Variants in CES4A observed in about 807,000 individuals in gnomAD.
The protein encoded by CES4A is carboxylesterase 6.
A neutral mutation model predicts 65.4 loss-of-function variants in CES4A; 48 were observed. The observed-to-expected ratio is 0.73, with a 90% CI of 0.58 to 0.93. The LOEUF (loss-of-function observed/expected upper bound fraction) is 0.93, where lower values mean the gene tolerates loss of function less well. CES4A is among the 40% of genes least tolerant of loss of function. The probability of loss-of-function intolerance (pLI) is 0.00; values close to 1 mark genes in which losing one functional copy is unlikely to be tolerated. For missense variants in CES4A, 685 were observed against 728.5 expected, an observed-to-expected ratio of 0.94 and a Z score of 0.69; for synonymous variants, 247 against 281.8, an observed-to-expected ratio of 0.88 and a Z score of 1.24.
Position 67,000,511 on chromosome 16 carries a change from G to C in CES4A, c.261-127G>C. The C allele has an allele frequency of 6.9e-7, 1 of 1,444,322 alleles. No homozygotes were observed. The highest frequency in any genetic ancestry group is 9.1e-7 in the Non-Finnish European group (1 of 1,097,862). The allele number at this position is 1,444,322 out of a possible 1,614,324, so 89.5% of individuals were successfully genotyped here. Reference sequence around the variant, plus strand: ...AGGCCTCCTGTACACGCACACGCACGCACATGCGCACGCACACGCACGCGC... The same window carrying C: ...AGGCCTCCTGTACACGCACACGCACCCACATGCGCACGCACACGCACGCGC... On this transcript the variant is annotated intron_variant, in intron 2 of 13. Coordinates refer to ENST00000648724, the Ensembl canonical transcript of CES4A. This position sits in a 1 kb window ranked among gnomAD's most constrained non-coding sequence, Gnocchi z 4.2.
At position 67,001,285 on chromosome 16, in the gene CES4A, G is replaced by A; in HGVS notation, c.537-23G>A. 6.3e-7 allele frequency: 1 copy of A among 1,575,692 alleles called. No homozygotes were observed. The highest frequency in any genetic ancestry group is 8.6e-7 in the Non-Finnish European group (1 of 1,162,198). ...CCCGACTGTCGAGGCCCGGGACCCT[G>A]ACAGTGAACCCCACACGCCCAGCAC... On this transcript the variant is annotated intron_variant, in intron 4 of 13. Transcript: ENST00000648724. This position sits in a 1 kb window ranked among gnomAD's most constrained non-coding sequence, Gnocchi z 4.1.
Position 67,004,926 on chromosome 16 carries a change from G to GA in CES4A, c.1161+53_1161+54insA, listed in dbSNP as rs747768546. ...CAGTTCGGACAGGGTTGACCCCCCT[G>GA]TTTTTTTTAACCTAGTAGCTGCTCT... On this transcript the variant is annotated intron_variant, in intron 10 of 13. Transcript: ENST00000648724. The GA allele has an allele frequency of 6.6e-5, 93 of 1,401,304 alleles. No individual in the cohort carries two copies. The East Asian group carries it at 8.7e-4, about 13-fold the overall frequency. 86.8% of individuals were successfully genotyped at this position (1,401,304 alleles called of 1,614,324 possible). A position where few individuals can be genotyped will look rare whatever the true frequency, so the allele number is the denominator to read the frequency against.
At chr16:67,004,995 G>A (rs565585083) in intron 10 of CES4A, 122 bp downstream of exon 10, 1 of 872,332 alleles carries the variant, frequency 1.1e-6, no homozygotes, top group South Asian at 1.5e-5. Flanking sequence ...TTCTTGGAGG[G>A]TCTGGGGTTT....
At chr16:67,005,437 C>A in intron 11 of CES4A, 44 bp downstream of exon 11, 1 of 1,593,320 alleles carries the variant, frequency 6.3e-7, no homozygotes, top group South Asian at 1.1e-5. Flanking sequence ...CCCGTCCACT[C>A]TCCAGGTGTG....
At chr16:66,998,783 C>T (rs1312574311) in intron 2 of CES4A, among the ~76,000 whole-genome samples, 6 of 152,048 alleles carry the variant, frequency 3.9e-5, no homozygotes, top group Non-Finnish European at 5.9e-5. Flanking sequence ...CCCACCTGAA[C>T]CCAGGAGGCA....
Position 67,001,023 on chromosome 16 carries a change from T to A in CES4A, c.536+33T>A, listed in dbSNP as rs775148703. On this transcript the variant is annotated intron_variant, in intron 4 of 13. Coordinates refer to ENST00000648724, the Ensembl canonical transcript of CES4A. This position sits in a 1 kb window ranked among gnomAD's most constrained non-coding sequence, Gnocchi z 4.1. ...GGCCGGTACCCTTTGGGACCGCAGC[T>A]GTGGCCAGAGCGGCGGGGACTGGGT... The A allele has an allele frequency of 5.1e-5, 72 of 1,398,508 alleles. No individual in the cohort carries two copies. The South Asian group carries it at 8.1e-4, about 16-fold the overall frequency. 86.6% of individuals were successfully genotyped at this position (1,398,508 alleles called of 1,614,324 possible).
At chr16:67,009,233 G>A (rs1966006682) in exon 14 of CES4A, 2 of 1,290,254 alleles carry the variant, frequency 1.6e-6, no homozygotes, top group African/African-American at 1.5e-5. Flanking sequence ...GGGGACAAGA[G>A]TTCTACCCAC....
Position 67,001,034 on chromosome 16 carries a change from C to G in CES4A, c.536+44C>G. 1 of 898,084 alleles carries G rather than the reference C, an allele frequency of 1.1e-6. No homozygotes were observed. Among genetic ancestry groups the G allele is most frequent in the Admixed American group, 2.6e-5 (1 of 38,086 alleles). The allele number at this position is 898,084 out of a possible 1,614,324, so 55.6% of individuals were successfully genotyped here. A position where few individuals can be genotyped will look rare whatever the true frequency, so the allele number is the denominator to read the frequency against. On this transcript the variant is annotated intron_variant, in intron 4 of 13. Transcript: ENST00000648724. This position sits in a 1 kb window ranked among gnomAD's most constrained non-coding sequence, Gnocchi z 4.1. Reference sequence around the variant, plus strand: ...TTTGGGACCGCAGCTGTGGCCAGAGCGGCGGGGACTGGGTGGGAAGGGAGG... The same window carrying G: ...TTTGGGACCGCAGCTGTGGCCAGAGGGGCGGGGACTGGGTGGGAAGGGAGG...
chr16:67,005,460 T>G, intron 11 of CES4A, 67 bp downstream of exon 11: 1 of 1,516,198 alleles, frequency 6.6e-7, no homozygotes, highest in South Asian at 1.2e-5. Flanking sequence ...GTTTACCAAC[T>G]GGGCTTATCG....
At chr16:66,989,303 T>A (rs1246438020) in intron 1 of CES4A, among the ~76,000 whole-genome samples, 1 of 152,038 alleles carries the variant, frequency 6.6e-6, no homozygotes, top group East Asian at 1.9e-4. Context: ...ATAAGATGTA[T>A]ACAGCAAGGT....
At chr16:66,989,016 A>G (rs1964165593) in intron 1 of CES4A, among the ~76,000 whole-genome samples, 186 bp downstream of exon 1, 1 of 152,152 alleles carries the variant, frequency 6.6e-6, no homozygotes, top group Admixed American at 6.5e-5. Flanking sequence ...CAAGTCCTTT[A>G]GCCTCCCTGA....
Position 67,003,665 on chromosome 16 carries a change from G to A in CES4A, c.939+112G>A. 1 of 857,598 alleles carries A rather than the reference G, an allele frequency of 1.2e-6. No individual in the cohort carries two copies. The highest frequency in any genetic ancestry group is 2.0e-6 in the Non-Finnish European group (1 of 497,452). The allele number at this position is 857,598 out of a possible 1,614,324, so 53.1% of individuals were successfully genotyped here. ...CCAAGATCCCTTCCCTAGTGGAGCTGATGTTCCAGTGGGGAAGGAGAATAA... is the reference window on the plus strand; with the variant it reads ...CCAAGATCCCTTCCCTAGTGGAGCTAATGTTCCAGTGGGGAAGGAGAATAA... On this transcript the variant is annotated intron_variant, in intron 8 of 13. Coordinates refer to ENST00000648724, the Ensembl canonical transcript of CES4A. The surrounding 1 kb of genome is among the most constrained non-coding windows in gnomAD (Gnocchi z 4.2).
intron 1 of CES4A, among the ~76,000 whole-genome samples, chr16:66,989,816 T>C (rs1321752512): frequency 6.6e-6 from 1 of 151,562 alleles, no homozygotes. Flanking sequence ...GATCGTGCCA[T>C]TGCACTCCAG....
At chr16:66,999,985 C>G (rs1169454478) in intron 2 of CES4A, among the ~76,000 whole-genome samples, 1 of 152,120 alleles carries the variant, frequency 6.6e-6, no homozygotes, top group African/African-American at 2.4e-5. Context: ...GTATCTACAG[C>G]AAAGGGTGGC....
intron 2 of CES4A, among the ~76,000 whole-genome samples, chr16:66,998,464 T>G (rs1965034294): frequency 6.6e-6 from 1 of 152,026 alleles, no homozygotes; most frequent in African/African-American, 2.4e-5. Flanking sequence ...TGGTGCGTGC[T>G]TGTAGTCCTA....
chr16:67,008,026 C>G (rs1310152640), intron 13 of CES4A: 1 of 152,174 alleles, frequency 6.6e-6, no homozygotes. Flanking sequence ...ACCTTGTGAT[C>G]TGCCCGCCTC....
intron 2 of CES4A, 148 bp downstream of exon 2, chr16:66,995,977 A>G: frequency 2.7e-6 from 2 of 736,582 alleles, no homozygotes; most frequent in South Asian, 1.5e-5. Flanking sequence ...TCAGACCCGT[A>G]TCATGAGCAA....
Position 66,994,248 on chromosome 16 carries a change from A to T in CES4A, c.59-1380A>T, listed in dbSNP as rs1038951501. Among the ~76,000 whole-genome samples the T allele has an allele frequency of 6.1e-5, 9 of 147,624 alleles. No homozygotes were observed. In the East Asian group the frequency reaches 1.1e-3, roughly 17 times the overall value. ...TATTTATTTATTTATTTATTTATTT[A>T]TTTTTTGAGATGGAGTCTCACTCTG... On this transcript the variant is annotated intron_variant, in intron 1 of 13. Coordinates refer to ENST00000648724, the Ensembl canonical transcript of CES4A.
chr16:66,995,001 CTAAA>C (rs532604362), intron 1 of CES4A, among the ~76,000 whole-genome samples: 46 of 150,716 alleles, frequency 3.1e-4, no homozygotes, highest in South Asian at 1.9e-3. Flanking sequence ...AAGACCCCAT[CTAAA>C]TAAATAAATA....
Sources: allele counts gnomAD v4.1 joint callset (sites outside exome capture counted in the v4.1 genomes callset), GRCh38; gene constraint gnomAD v4.1.1; non-coding constraint Gnocchi (gnomAD v3.1); transcripts MANE v1.5; gene names NCBI Gene and HGNC (gene_info 2026-07-23, HGNC 2026-07-21).